The following NRK variants were observed in gnomAD, a reference collection of about 807,000 sequenced individuals.
NRK encodes nik-related protein kinase.
Under a neutral mutation model 125.2 loss-of-function variants are expected in NRK, and 67 were observed. The observed-to-expected ratio is 0.54, with a 90% CI of 0.44 to 0.66. The LOEUF (loss-of-function observed/expected upper bound fraction) is 0.66, where lower values mean the gene tolerates loss of function less well. Ranked by LOEUF, NRK falls within the 30% of genes least tolerant of loss-of-function variation. The probability of loss-of-function intolerance (pLI) is 0.00; values close to 1 mark genes in which losing one functional copy is unlikely to be tolerated. For synonymous variants in NRK, 458 were observed against 429.0 expected, an observed-to-expected ratio of 1.07 and a Z score of -0.84; for missense variants, 1,224 against 1,192.9, an observed-to-expected ratio of 1.03 and a Z score of -0.38.
At chrX:105,841,433 T>TAC (rs2039330906) in intron 2 of NRK, among the ~76,000 whole-genome samples, 1 of 112,103 alleles carries the variant, frequency 8.9e-6, no homozygotes, top group Admixed American at 9.5e-5. Context: ...AATTTTGTGT[T>TAC]ATTTCAATTG....
intron 2 of NRK, among the ~76,000 whole-genome samples, chrX:105,843,081 C>T (rs1430870606): frequency 9.0e-6 from 1 of 111,693 alleles, no homozygotes; most frequent in Non-Finnish European, 1.9e-5. Context: ...CATTTCAAAT[C>T]TACTCTTAGA....
chrX:105,830,995 G>A, intron 1 of NRK, 59 bp from the exon 2 acceptor site: 1 of 703,665 alleles, frequency 1.4e-6, no homozygotes, highest in Admixed American at 2.5e-5. Flanking sequence ...AAAAAAGATA[G>A]TTGAATGCTC....
intron 16 of NRK, among the ~76,000 whole-genome samples, chrX:105,918,101 G>A (rs977358973): frequency 3.6e-5 from 4 of 110,970 alleles, no homozygotes; most frequent in Admixed American, 2.9e-4. Flanking sequence ...TCCAAAATAG[G>A]ACAATATCTG....
intron 7 of NRK, among the ~76,000 whole-genome samples, chrX:105,898,224 G>A (rs770217944): frequency 1.8e-5 from 2 of 111,990 alleles, no homozygotes; most frequent in Non-Finnish European, 3.8e-5. Context: ...AGATTTCTTT[G>A]TTCTTGCTTA....
chrX:105,870,334 T>C (rs1266742764), intron 2 of NRK, among the ~76,000 whole-genome samples: 1 of 111,546 alleles, frequency 9.0e-6, no homozygotes, highest in African/African-American at 3.3e-5. Flanking sequence ...GGAGTTCCTA[T>C]GTAGTTTCCT....
At chrX:105,952,462 A>C (rs2040912439) in intron 27 of NRK, among the ~76,000 whole-genome samples, 1 of 112,536 alleles carries the variant, frequency 8.9e-6, no homozygotes, top group South Asian at 3.6e-4. Context: ...AAATCTTAAT[A>C]AATATTTCCT....
rs56383254 is a variant in NRK at position 105,950,527 on chromosome X, A to AGTGTGT, written c.4513+839_4513+844dup. 3.6e-3 allele frequency among the ~76,000 whole-genome samples: 283 copies of AGTGTGT among 77,962 alleles called. 3 individuals are homozygous for AGTGTGT. The highest frequency in any genetic ancestry group is 0.01 in the South Asian group (11 of 1,084). 67.7% of individuals were successfully genotyped at this position (77,962 alleles called of 115,157 possible). A position where few individuals can be genotyped will look rare whatever the true frequency, so the allele number is the denominator to read the frequency against. Reference sequence around the variant, plus strand: ...GGAGAAAATAAAGGAAAAAGGCAGCAGTGTGTGTGTGTGTGTGTGTGTGTG... The same window carrying AGTGTGT: ...GGAGAAAATAAAGGAAAAAGGCAGCAGTGTGTGTGTGTGTGTGTGTGTGTGTGTGTG... On this transcript the variant is annotated intron_variant, in intron 27 of 28. Transcript: ENST00000243300.
chrX:105,886,490 T>A (rs1335764701), intron 4 of NRK, among the ~76,000 whole-genome samples: 2 of 99,258 alleles, frequency 2.0e-5, no homozygotes, highest in Non-Finnish European at 3.9e-5. Context: ...ATAATTATAT[T>A]ATATATATTA....
chrX:105,825,973 T>C (rs1379589159), intron 1 of NRK, among the ~76,000 whole-genome samples: 2 of 105,536 alleles, frequency 1.9e-5, no homozygotes, highest in Admixed American at 2.2e-4. Flanking sequence ...AATATATGTG[T>C]GTATGTATAT....
At chrX:105,868,891 G>A (rs188111626) in intron 2 of NRK, among the ~76,000 whole-genome samples, 15 of 109,855 alleles carry the variant, frequency 1.4e-4, no homozygotes, top group African/African-American at 3.0e-4. Context: ...CTGAAATTCC[G>A]ACTGCCTTGG....
At chrX:105,823,436 T>G (rs1369556120) in intron 1 of NRK, among the ~76,000 whole-genome samples, 2 of 112,005 alleles carry the variant, frequency 1.8e-5, no homozygotes, top group Admixed American at 9.4e-5. Context: ...CTAATACACT[T>G]TCTAAAACCT....
chrX:105,878,029 A>C (rs1374371625), intron 2 of NRK, among the ~76,000 whole-genome samples: 1 of 111,158 alleles, frequency 9.0e-6, no homozygotes, highest in Non-Finnish European at 1.9e-5. Context: ...TGCCCAAAAT[A>C]ATAGTGGCTC....
chrX:105,863,917 T>C (rs2039635686), intron 2 of NRK, among the ~76,000 whole-genome samples: 1 of 112,426 alleles, frequency 8.9e-6, no homozygotes, highest in African/African-American at 3.2e-5. Flanking sequence ...TGGAGTCAGT[T>C]TGGCCATCAA....
rs142849236 is a variant in NRK at position 105,878,585 on chromosome X, T to C, written c.124-1614T>C. On this transcript the variant is annotated intron_variant, in intron 2 of 28. Transcript: ENST00000243300. ...AACTCTGCCTCATTTCCACTTCTCA[T>C]GTAAATCTGATTTTGCCTTTGCATT... Among the ~76,000 whole-genome samples the C allele has an allele frequency of 4.2e-3, 476 of 112,051 alleles. 6 individuals are homozygous for C. Among genetic ancestry groups the C allele is most frequent in the African/African-American group, 0.015 (451 of 30,929 alleles).
chrX:105,949,679 T>C lies in NRK; in HGVS notation c.4458T>C (p.Asn1486=). 2 of 1,201,824 alleles carry C rather than the reference T, an allele frequency of 1.7e-6. No individual in the cohort carries two copies. The change falls in exon 27 of 29, where the codon AAT becomes AAC. Residue 1486 remains asparagine (N), a synonymous_variant. Transcript: ENST00000243300. ...FNAEALSVEA[N]EQLFKKILEM... The stretch of plus-strand genomic sequence containing the variant: ...CTGAAGCCCTCTCTGTGGAAGCAAA[T>C]GAACAACTCTTCAAGAAGATCCTTG...
chrX:105,916,344 A>G (rs370837915), intron 15 of NRK, among the ~76,000 whole-genome samples: 6 of 111,228 alleles, frequency 5.4e-5, no homozygotes, highest in African/African-American at 1.9e-4. Flanking sequence ...TTCAAAGATC[A>G]CGTTCCATAT....
chrX:105,850,010 C>T (rs1353070411), intron 2 of NRK, among the ~76,000 whole-genome samples: 2 of 112,284 alleles, frequency 1.8e-5, no homozygotes, highest in Admixed American at 1.9e-4. Flanking sequence ...GCTCCAACCC[C>T]ACATTTCCCT....
At position 105,923,158 on chromosome X, in the gene NRK, T is replaced by A. The variant is rs771113520; in HGVS notation, c.2651T>A (p.Val884Glu). Residue 884 changes from valine to glutamate, a missense_variant, in exon 18 of 29, where the codon GTA becomes GAA. By Grantham distance (121) the Val-to-Glu change is moderately radical. Transcript: ENST00000243300. ...AAAGTAGGAAAAATATCACCCCCTG[T>A]ATACTTGACAAACGAATGGGTAGGC... ...GFKVGKISPP[V>E]YLTNEWVGYN... 1 of 1,203,699 alleles carries A rather than the reference T, an allele frequency of 8.3e-7. No homozygotes were observed. Among genetic ancestry groups the A allele is most frequent in the Non-Finnish European group, 1.1e-6 (1 of 888,612 alleles).
intron 2 of NRK, among the ~76,000 whole-genome samples, chrX:105,863,188 G>A (rs1445746105): frequency 9.0e-6 from 1 of 111,561 alleles, no homozygotes; most frequent in Non-Finnish European, 1.9e-5. Context: ...TGGTTTTAAG[G>A]ATGCTGAAGT....
Sources: gnomAD v4.1 joint callset for allele counts (sites outside exome capture counted in the v4.1 genomes callset) on GRCh38, gnomAD v4.1.1 for gene constraint, MANE v1.5 for transcripts, NCBI Gene and HGNC (gene_info 2026-07-23, HGNC 2026-07-21) for gene names.